Variants in AGPAT4 observed in about 807,000 individuals in gnomAD.
AGPAT4 encodes the protein 1-acylglycerol-3-phosphate O-acyltransferase 4.
Under a neutral mutation model 48.0 loss-of-function variants are expected in AGPAT4, and 15 were observed. The observed-to-expected ratio is 0.31, with a 90% CI of 0.21 to 0.48. The LOEUF is 0.48. AGPAT4 is among the 20% of genes least tolerant of loss of function. The pLI is 0.99. For missense variants in AGPAT4, 314 were observed against 482.5 expected, an observed-to-expected ratio of 0.65 and a Z score of 3.27; for synonymous variants, 178 against 198.7, an observed-to-expected ratio of 0.90 and a Z score of 0.88.
intron 5 of AGPAT4, among the ~76,000 whole-genome samples, chr6:161,151,837 G>A (rs943460196): frequency 3.3e-5 from 5 of 152,198 alleles, no homozygotes; most frequent in African/African-American, 1.2e-4. Flanking sequence ...GAGGTGGAGC[G>A]GGGGACGAGC....
chr6:161,190,587 GA>G (rs11339502), intron 2 of AGPAT4, among the ~76,000 whole-genome samples: 50,287 of 131,000 alleles, frequency 0.38, 9,023 homozygotes, highest in East Asian at 0.7. Context: ...GAAACCAAGG[GA>G]AAAAAAAAAA....
At position 161,214,413 on chromosome 6, in the gene AGPAT4, C is replaced by A. The variant is rs1781590262; in HGVS notation, c.178+17623G>T. 1.3e-5 allele frequency among the ~76,000 whole-genome samples: 2 copies of A among 152,178 alleles called. No homozygotes were observed. The highest frequency in any genetic ancestry group is 4.8e-5 in the African/African-American group (2 of 41,444). ...GTTGCTCCTAGGCTGCTCACCTGTA[C>A]AGCATGTGACTGTACTGAATACTGT... On this transcript the variant is annotated intron_variant, in intron 2 of 8. Transcript: ENST00000320285. The surrounding 1 kb of genome is among the most constrained non-coding windows in gnomAD (Gnocchi z 5.4).
At position 161,131,084 on chromosome 6, in the gene AGPAT4, AAC is replaced by A. The variant is rs1378088089; in HGVS notation, c.*5454_*5455del. 6 of 297,228 alleles carry A rather than the reference AAC, an allele frequency of 2.0e-5. No individual in the cohort carries two copies. The highest frequency in any genetic ancestry group is 4.3e-5 in the African/African-American group (2 of 46,160). The allele number at this position is 297,228 out of a possible 1,614,324, so 18.4% of individuals were successfully genotyped here. A position where few individuals can be genotyped will look rare whatever the true frequency, so the allele number is the denominator to read the frequency against. ...ACTCACCTCCCTTAAAATTCAGCAG[AAC>A]CAGAGGTGCCAGAAATGTCAAAAAA... On this transcript the variant is annotated 3_prime_UTR_variant, in exon 9 of 9. Transcript: ENST00000320285.
chr6:161,165,297 G>A lies in AGPAT4; in HGVS notation c.348+951C>T, dbSNP rs7775424. Among the ~76,000 whole-genome samples, 2,061 of 152,282 alleles carry A rather than the reference G, an allele frequency of 0.014. 48 individuals are homozygous for A. Among genetic ancestry groups the A allele is most frequent in the African/African-American group, 0.047 (1,972 of 41,554 alleles). Reference sequence around the variant, plus strand: ...AACAAAAGGAGAAAACAGTGGGCAGGAGGCTATCTTCATCTGCCTCCAGGA... The same window carrying A: ...AACAAAAGGAGAAAACAGTGGGCAGAAGGCTATCTTCATCTGCCTCCAGGA... On this transcript the variant is annotated intron_variant, in intron 3 of 8. Transcript: ENST00000320285. The surrounding 1 kb of genome is among the most constrained non-coding windows in gnomAD (Gnocchi z 5.5).
chr6:161,178,542 T>G lies in AGPAT4; in HGVS notation c.179-12125A>C, dbSNP rs976676315. On this transcript the variant is annotated intron_variant, in intron 2 of 8. Transcript: ENST00000320285. This position sits in a 1 kb window ranked among gnomAD's most constrained non-coding sequence, Gnocchi z 5.1. Reference sequence around the variant, plus strand: ...AGGTGCCGTCTGTCACCGCTTCCCTTGGCTAGGAAAGGGAATTCCCGGACC... The same window carrying G: ...AGGTGCCGTCTGTCACCGCTTCCCTGGGCTAGGAAAGGGAATTCCCGGACC... 2.0e-5 allele frequency among the ~76,000 whole-genome samples: 3 copies of G among 152,168 alleles called. No individual in the cohort carries two copies. Among genetic ancestry groups the G allele is most frequent in the Non-Finnish European group, 2.9e-5 (2 of 68,026 alleles).
rs1036274871 is a variant in AGPAT4 at position 161,138,204 on chromosome 6, CTTA to C, written c.1042+1215_1042+1217del. On this transcript the variant is annotated intron_variant, in intron 8 of 8. Transcript: ENST00000320285. This position sits in a 1 kb window ranked among gnomAD's most constrained non-coding sequence, Gnocchi z 4.8. ...GATGAGGTGCTTTCTTCTCCAACCT[CTTA>C]TTTTTTTCCCTTACACGGTGTGGGT... 2.0e-5 allele frequency among the ~76,000 whole-genome samples: 3 copies of C among 152,202 alleles called. No individual in the cohort carries two copies. Among genetic ancestry groups the C allele is most frequent in the African/African-American group, 7.2e-5 (3 of 41,460 alleles).
chr6:161,258,019 C>G (rs1782991000), intron 1 of AGPAT4, among the ~76,000 whole-genome samples: 1 of 152,208 alleles, frequency 6.6e-6, no homozygotes, highest in South Asian at 2.1e-4. Flanking sequence ...CACATCCTGG[C>G]TCCATGGGAT....
Position 161,236,767 on chromosome 6 carries a change from T to C in AGPAT4, c.-89-4465A>G, listed in dbSNP as rs1582898649. On this transcript the variant is annotated intron_variant, in intron 1 of 8. Coordinates refer to ENST00000320285, the MANE Select transcript of AGPAT4 (RefSeq NM_020133.3). This position sits in a 1 kb window ranked among gnomAD's most constrained non-coding sequence, Gnocchi z 5.0. ...AAAAAAAAAAAATAGCTGGATGTGG[T>C]GGTGGGTGTCTGTAATCCCAGCTAC... 1.3e-5 allele frequency among the ~76,000 whole-genome samples: 2 copies of C among 148,622 alleles called. No homozygotes were observed. Among genetic ancestry groups the C allele is most frequent in the Admixed American group, 6.7e-5 (1 of 14,870 alleles).
rs1292072454 is a variant in AGPAT4, at chr6:161,234,978, G to A, written c.-89-2676C>T. Reference sequence around the variant, plus strand: ...GGGTCTCAGATAGCATTGGTGAAGTGTAAAGAGGAACCCCAAGCAGATGAG... The same window carrying A: ...GGGTCTCAGATAGCATTGGTGAAGTATAAAGAGGAACCCCAAGCAGATGAG... On this transcript the variant is annotated intron_variant, in intron 1 of 8. Transcript: ENST00000320285. The surrounding 1 kb of genome is among the most constrained non-coding windows in gnomAD (Gnocchi z 4.4). Among the ~76,000 whole-genome samples the A allele has an allele frequency of 6.6e-6, 1 of 151,960 alleles. No homozygotes were observed. Among genetic ancestry groups the A allele is most frequent in the African/African-American group, 2.4e-5 (1 of 41,350 alleles).
In AGPAT4 at chr6:161,262,588, C is replaced by A. The variant is rs572278866; in HGVS notation, c.-90+11350G>T. ...CCTTCCACATCTTATTGTAAAAACA[C>A]AGGCTTACTGGGGCTCTTAGGGGCT... On this transcript the variant is annotated intron_variant, in intron 1 of 8. Transcript: ENST00000320285. This position sits in a 1 kb window ranked among gnomAD's most constrained non-coding sequence, Gnocchi z 4.9. 3.3e-5 allele frequency among the ~76,000 whole-genome samples: 5 copies of A among 152,214 alleles called. No individual in the cohort carries two copies. The East Asian group carries it at 9.7e-4, about 29-fold the overall frequency.
Position 161,221,184 on chromosome 6 carries a change from G to A in AGPAT4, c.178+10852C>T, listed in dbSNP as rs1462219182. Among the ~76,000 whole-genome samples, 1 of 152,190 alleles carries A rather than the reference G, an allele frequency of 6.6e-6. No individual in the cohort carries two copies. The highest frequency in any genetic ancestry group is 1.5e-5 in the Non-Finnish European group (1 of 68,032). On this transcript the variant is annotated intron_variant, in intron 2 of 8. Transcript: ENST00000320285. This position sits in a 1 kb window ranked among gnomAD's most constrained non-coding sequence, Gnocchi z 4.5. ...TGTGAGGCTTTCCCTCCGGTCAGCA[G>A]AAAATCCACCCCTCGGGGCTGGGTT...
In AGPAT4 at chr6:161,249,918, A is replaced by T. The variant is rs1443248713; in HGVS notation, c.-89-17616T>A. Reference sequence around the variant, plus strand: ...CAGCTATTCACTATTGCAGCTATTCACAATAGCAAAGACATGAAATCAACC... The same window carrying T: ...CAGCTATTCACTATTGCAGCTATTCTCAATAGCAAAGACATGAAATCAACC... On this transcript the variant is annotated intron_variant, in intron 1 of 8. Coordinates refer to ENST00000320285, the MANE Select transcript of AGPAT4 (RefSeq NM_020133.3). The surrounding 1 kb of genome is among the most constrained non-coding windows in gnomAD (Gnocchi z 6.2). 6.6e-6 allele frequency among the ~76,000 whole-genome samples: 1 copy of T among 152,250 alleles called. No individual in the cohort carries two copies. Among genetic ancestry groups the T allele is most frequent in the Non-Finnish European group, 1.5e-5 (1 of 68,042 alleles).
At position 161,130,295 on chromosome 6, in the gene AGPAT4, A is replaced by C. The variant is rs1343030856; in HGVS notation, c.*6245T>G. The C allele has an allele frequency of 6.6e-6, 1 of 152,316 alleles. No individual in the cohort carries two copies. The highest frequency in any genetic ancestry group is 2.4e-5 in the African/African-American group (1 of 41,404). 9.4% of individuals were successfully genotyped at this position (152,316 alleles called of 1,614,324 possible). A position where few individuals can be genotyped will look rare whatever the true frequency, so the allele number is the denominator to read the frequency against. On this transcript the variant is annotated 3_prime_UTR_variant, in exon 9 of 9. Transcript: ENST00000320285. ...GTTCTCATAACTTATTTGAAAAGGC[A>C]CATTTGGTCAGTCTGATGTCATTCT... is the stretch of plus-strand genomic sequence containing the variant.
At position 161,246,558 on chromosome 6, in the gene AGPAT4, C is replaced by T. The variant is rs938255563; in HGVS notation, c.-89-14256G>A. Among the ~76,000 whole-genome samples, 3 of 152,122 alleles carry T rather than the reference C, an allele frequency of 2.0e-5. No homozygotes were observed. Among genetic ancestry groups the T allele is most frequent in the Middle Eastern group, 3.4e-3 (1 of 294 alleles). ...CCGAGTAGCTGGGATTACAGGCATGCGCCACCACGCCCAGCTAATTTTGTA... is the reference window on the plus strand; with the variant it reads ...CCGAGTAGCTGGGATTACAGGCATGTGCCACCACGCCCAGCTAATTTTGTA... On this transcript the variant is annotated intron_variant, in intron 1 of 8. Transcript: ENST00000320285. This position sits in a 1 kb window ranked among gnomAD's most constrained non-coding sequence, Gnocchi z 5.5.
At chr6:161,260,223 C>T (rs34165764) in intron 1 of AGPAT4, among the ~76,000 whole-genome samples, 7,047 of 152,148 alleles carry the variant, frequency 0.046, 515 homozygotes, top group African/African-American at 0.15. Flanking sequence ...CTGCAGACAG[C>T]GTTTATGAAA....
In AGPAT4 at chr6:161,177,978, C is replaced by G. The variant is rs534895645; in HGVS notation, c.179-11561G>C. Among the ~76,000 whole-genome samples the G allele has an allele frequency of 6.6e-6, 1 of 152,338 alleles. No homozygotes were observed. Among genetic ancestry groups the G allele is most frequent in the East Asian group, 1.9e-4 (1 of 5,182 alleles). On this transcript the variant is annotated intron_variant, in intron 2 of 8. Transcript: ENST00000320285. This position sits in a 1 kb window ranked among gnomAD's most constrained non-coding sequence, Gnocchi z 5.0. ...CTGCAGAACAGCAAATATTACAGAA[C>G]AGCAAATGTTGCTGCCTGATCCTTC...
rs956482918 is a variant in AGPAT4, at chr6:161,159,092, C to G, written c.349-4782G>C. Among the ~76,000 whole-genome samples the G allele has an allele frequency of 6.6e-6, 1 of 152,162 alleles. No individual in the cohort carries two copies. Among genetic ancestry groups the G allele is most frequent in the African/African-American group, 2.4e-5 (1 of 41,424 alleles). On this transcript the variant is annotated intron_variant, in intron 3 of 8. Coordinates refer to ENST00000320285, the MANE Select transcript of AGPAT4 (RefSeq NM_020133.3). The surrounding 1 kb of genome is among the most constrained non-coding windows in gnomAD (Gnocchi z 4.1). ...ACAATAAAGCAGGCTAAACAGCCTG[C>G]CTTTGAGTCCTTTGACTGTTTTCTT...
intron 2 of AGPAT4, among the ~76,000 whole-genome samples, chr6:161,228,661 T>TTAAAAAAAA (rs1554237632): frequency 1.2e-5 from 1 of 84,090 alleles, no homozygotes; most frequent in Non-Finnish European, 2.2e-5. Context: ...GTCAGAGAGG[T>TTAAAAAAAA]AAAAAAAAAA....
rs1475066802 is a variant in AGPAT4, at chr6:161,232,520, T to C, written c.-89-218A>G. ...CCTTCCTTTAATTCTCCCAATATCC[T>C]CTGAGGTTGGTACTTTGATTTCAGA... On this transcript the variant is annotated intron_variant, in intron 1 of 8. Coordinates refer to ENST00000320285, the MANE Select transcript of AGPAT4 (RefSeq NM_020133.3). The surrounding 1 kb of genome is among the most constrained non-coding windows in gnomAD (Gnocchi z 6.8). 1.3e-5 allele frequency among the ~76,000 whole-genome samples: 2 copies of C among 152,192 alleles called. No homozygotes were observed. The highest frequency in any genetic ancestry group is 2.9e-5 in the Non-Finnish European group (2 of 68,038).
Sources: gnomAD v4.1 joint callset for allele counts (sites outside exome capture counted in the v4.1 genomes callset) on GRCh38, gnomAD v4.1.1 for gene constraint, Gnocchi (gnomAD v3.1) non-coding constraint, MANE v1.5 for transcripts, NCBI Gene and HGNC (gene_info 2026-07-23, HGNC 2026-07-21) for gene names.